FBN2: variants seen among roughly 807,000 people sequenced by gnomAD.
FBN2 encodes the protein fibrillin 2.
A neutral mutation model predicts 355.6 loss-of-function variants in FBN2; 105 were observed. That is an observed-to-expected ratio of 0.30 (90% confidence interval 0.25 to 0.35). The LOEUF is 0.35. Among genes scored for constraint, FBN2 ranks in the 10% least tolerant of loss-of-function variants. The pLI is 1.00. For synonymous variants in FBN2, 1,350 were observed against 1,301.2 expected (o/e 1.04, Z -0.81); for missense variants, 3,280 against 3,758.7 (o/e 0.87, Z 3.33).
intron 3 of FBN2, 77 bp downstream of exon 3, chr5:128,530,518 G>A: frequency 1.1e-6 from 1 of 932,612 alleles, no homozygotes; most frequent in Non-Finnish European, 1.8e-6. Context: ...AAACTCCCTG[G>A]CACATAGAAG....
At chr5:128,435,915 T>C (rs1753757867) in intron 7 of FBN2, among the ~76,000 whole-genome samples, 1 of 152,232 alleles carries the variant, frequency 6.6e-6, no homozygotes, top group South Asian at 2.1e-4. Flanking sequence ...ACAATGATGT[T>C]ACCCACTGTG....
At chr5:128,289,765 C>A in intron 51 of FBN2, 117 bp downstream of exon 51, 1 of 672,362 alleles carries the variant, frequency 1.5e-6, no homozygotes, top group Non-Finnish European at 2.7e-6. Flanking sequence ...TATATACATC[C>A]ATTAAATACA....
chr5:128,531,720 G>GTATA (rs1220360480), intron 2 of FBN2, among the ~76,000 whole-genome samples: 98 of 143,168 alleles, frequency 6.8e-4, no homozygotes, highest in African/African-American at 2.6e-3. Context: ...ATATGTATGT[G>GTATA]TGTATATATA....
rs1404177078 is a variant in FBN2, at chr5:128,376,745, C to T, written c.1958G>A (p.Gly653Glu). Residue 653 changes from glycine (G) to glutamate (E), a missense_variant, in exon 14 of 65, where the codon GGG becomes GAG. Gly to Glu is a moderately conservative substitution (Grantham distance 98). This residue lies in a region of FBN2 where 2,284 missense variants were observed against 2,749.5 expected (regional missense o/e 0.83). Coordinates refer to ENST00000262464, the MANE Select transcript of FBN2 (RefSeq NM_001999.4). ...GCCACACATACCAGTACAGTAACGC[C>T]CATTTGGAGCCAAGACAAATCCTGG... ...CKPGFVLAPNGRYCTDVDECQ... is the reference protein window; with the variant it reads ...CKPGFVLAPNERYCTDVDECQ... The T allele has an allele frequency of 6.2e-7, 1 of 1,613,676 alleles. No homozygotes were observed. Among genetic ancestry groups the T allele is most frequent in the Admixed American group, 1.7e-5 (1 of 59,990 alleles).
chr5:128,315,663 T>TA (rs1159301091), intron 36 of FBN2, among the ~76,000 whole-genome samples: 1 of 152,214 alleles, frequency 6.6e-6, no homozygotes, highest in Non-Finnish European at 1.5e-5. Context: ...CTTTTATACA[T>TA]ACCTGCCTTT....
In FBN2 at chr5:128,301,372, A is replaced by G. The variant is rs1179452976; in HGVS notation, c.6046+10T>C. 2 of 1,611,702 alleles carry G rather than the reference A, an allele frequency of 1.2e-6. No individual in the cohort carries two copies. The highest frequency in any genetic ancestry group is 1.7e-6 in the Non-Finnish European group (2 of 1,178,042). ...ACACCACAAAGACTGCTTATTATTT[A>G]AATACTTACCTATACAGTTTTTGCC... On this transcript the variant is annotated intron_variant, in intron 47 of 64. Transcript: ENST00000262464.
In FBN2 at chr5:128,369,143, T is replaced by C. The variant is rs760887533; in HGVS notation, c.2248+39A>G. On this transcript the variant is annotated intron_variant, in intron 16 of 64. Transcript: ENST00000262464. ...GCCAAACATCTAAGGTTGTATTTCT[T>C]GATTCTTTATCAACTGTGAAAATGG... 14 of 1,607,816 alleles carry C rather than the reference T, an allele frequency of 8.7e-6. No individual in the cohort carries two copies. In the East Asian group the frequency reaches 2.9e-4, roughly 33 times the overall value.
At chr5:128,503,798 C>T (rs893618373) in intron 5 of FBN2, among the ~76,000 whole-genome samples, 8 of 152,102 alleles carry the variant, frequency 5.3e-5, no homozygotes, top group Non-Finnish European at 1.2e-4. Context: ...TAGAAATTTG[C>T]CCAAGTAATG....
intron 7 of FBN2, among the ~76,000 whole-genome samples, chr5:128,437,638 G>A (rs572855650): frequency 4.0e-5 from 6 of 151,694 alleles, no homozygotes; most frequent in Admixed American, 3.9e-4. Context: ...AGTAGGTCAT[G>A]GATCAATAAT....
intron 7 of FBN2, among the ~76,000 whole-genome samples, chr5:128,431,164 C>A (rs1481236981): frequency 1.3e-5 from 2 of 152,204 alleles, no homozygotes; most frequent in Non-Finnish European, 2.9e-5. Flanking sequence ...TAAGGTAGAT[C>A]TACAAAGAAA....
intron 20 of FBN2, among the ~76,000 whole-genome samples, chr5:128,355,346 G>T (rs563087826): frequency 1.3e-5 from 2 of 152,202 alleles, no homozygotes; most frequent in South Asian, 4.1e-4. Context: ...GTATAATGCA[G>T]GAAATATTAA....
At chr5:128,481,592 G>C (rs1205176341) in intron 5 of FBN2, among the ~76,000 whole-genome samples, 1 of 152,160 alleles carries the variant, frequency 6.6e-6, no homozygotes, top group Non-Finnish European at 1.5e-5. Context: ...TCCAGATACA[G>C]AAAAACATTC....
At chr5:128,337,752 C>T (rs898226293) in intron 27 of FBN2, among the ~76,000 whole-genome samples, 2 of 152,188 alleles carry the variant, frequency 1.3e-5, no homozygotes, top group South Asian at 4.1e-4. Flanking sequence ...GGGCTCCTCA[C>T]ACAGGGACCA....
intron 55 of FBN2, among the ~76,000 whole-genome samples, chr5:128,283,899 T>G (rs1282010518): frequency 6.6e-6 from 1 of 152,226 alleles, no homozygotes; most frequent in Non-Finnish European, 1.5e-5. Flanking sequence ...ATCCTGGGAC[T>G]TATCTTTTAT....
chr5:128,400,562 C>T (rs985392501), intron 8 of FBN2, among the ~76,000 whole-genome samples: 6 of 152,026 alleles, frequency 3.9e-5, no homozygotes, highest in African/African-American at 1.5e-4. Context: ...TTGGAGAACA[C>T]CCATCTTTTT....
intron 7 of FBN2, chr5:128,442,212 AG>A: frequency 2.4e-6 from 1 of 421,310 alleles, no homozygotes; most frequent in South Asian, 1.7e-5. Flanking sequence ...CCACATAAAG[AG>A]CCATTTAAGG....
intron 34 of FBN2, among the ~76,000 whole-genome samples, chr5:128,326,397 T>A (rs373208035): frequency 3.9e-5 from 6 of 152,186 alleles, no homozygotes; most frequent in Non-Finnish European, 8.8e-5. Context: ...TGTATGTAGG[T>A]CTGTTCCATT....
chr5:128,313,556 C>T (rs911572670), intron 36 of FBN2, among the ~76,000 whole-genome samples: 1 of 152,068 alleles, frequency 6.6e-6, no homozygotes, highest in South Asian at 2.1e-4. Context: ...TGCACAGGCC[C>T]TAAGCTTTGA....
At chr5:128,390,866 A>G (rs1752490573) in intron 11 of FBN2, among the ~76,000 whole-genome samples, 1 of 152,240 alleles carries the variant, frequency 6.6e-6, no homozygotes, top group Non-Finnish European at 1.5e-5. Flanking sequence ...AAGCTTAAAA[A>G]TGACAGAATT....
Sources: allele counts gnomAD v4.1 joint callset (sites outside exome capture counted in the v4.1 genomes callset), GRCh38; gene constraint gnomAD v4.1.1; regional missense constraint gnomAD v4.1.1; transcripts MANE v1.5; gene names NCBI Gene and HGNC (gene_info 2026-07-23, HGNC 2026-07-21).